The following NUP160 variants were observed in gnomAD, a reference collection of about 807,000 sequenced individuals.
NUP160 encodes nucleoporin 160, also known as nuclear pore complex protein Nup160.
A neutral mutation model predicts 196.9 loss-of-function variants in NUP160; 94 were observed. That is an observed-to-expected ratio of 0.48 (90% CI 0.40 to 0.57). NUP160 has a LOEUF of 0.57. Among genes scored for constraint, NUP160 ranks in the 20% least tolerant of loss-of-function variants. The pLI, the probability that NUP160 is intolerant of heterozygous loss-of-function variation, is 0.00. For missense variants in NUP160, 1,638 were observed against 1,748.3 expected (o/e 0.94, Z 1.13); for synonymous variants, 605 against 619.7 (o/e 0.98, Z 0.35).
At chr11:47,847,932 A>C (rs1308622318) in exon 2 of NUP160, 1 of 1,613,924 alleles carries the variant, frequency 6.2e-7, no homozygotes, top group Non-Finnish European at 8.5e-7. Context: ...ACTGTATTTT[A>C]CGGCGCCAGC....
exon 23 of NUP160, chr11:47,801,925 C>A (rs753088621): frequency 1.2e-6 from 2 of 1,613,730 alleles, no homozygotes; most frequent in Non-Finnish European, 1.7e-6. Flanking sequence ...AAAAACATTC[C>A]AGAGCCTGGA....
chr11:47,820,333 T>C (rs1044872179), intron 9 of NUP160: 1 of 152,186 alleles, frequency 6.6e-6, no homozygotes, highest in East Asian at 1.9e-4. Context: ...TACCTAAGGC[T>C]TGCAAACTAA....
intron 17 of NUP160, 112 bp downstream of exon 17, chr11:47,811,952 G>A: frequency 1.1e-6 from 1 of 892,528 alleles, no homozygotes. Context: ...GAATAAAGCA[G>A]TGAACCAAGA....
At chr11:47,819,518 C>T in intron 9 of NUP160, 60 bp from the exon 10 acceptor site, 2 of 1,220,154 alleles carry the variant, frequency 1.6e-6, no homozygotes, top group South Asian at 1.2e-5. Context: ...GAAATGTATG[C>T]TGTTGGCAGT....
exon 20 of NUP160, chr11:47,806,246 T>C (rs778448540): frequency 6.2e-7 from 1 of 1,613,244 alleles, no homozygotes. Flanking sequence ...AGAGAAGAGG[T>C]GAGATATAAT....
intron 1 of NUP160, 93 bp downstream of exon 1, chr11:47,848,126 A>C (rs1599355229): frequency 6.9e-7 from 1 of 1,446,682 alleles, no homozygotes; most frequent in South Asian, 1.1e-5. Flanking sequence ...ATGTGGACTC[A>C]GGAGGATGAA....
At position 47,798,425 on chromosome 11, in the gene NUP160, C is replaced by T. The variant is rs755355744; in HGVS notation, c.2934G>A (p.Leu978=). ...TGGCTGATGTAGCCAACTGAATAAC[C>T]AGTTCAGGCAAACCAATGACATCTA... The change falls in exon 24 of 36, where the codon CTG becomes CTA. Residue 978 remains leucine (L), a synonymous_variant. Transcript: ENST00000378460. 5 of 1,610,198 alleles carry T rather than the reference C, an allele frequency of 3.1e-6. No homozygotes were observed. The South Asian group carries it at 4.4e-5, about 14-fold the overall frequency.
chr11:47,845,669 G>T (rs979376551), intron 2 of NUP160, among the ~76,000 whole-genome samples: 1 of 152,062 alleles, frequency 6.6e-6, no homozygotes, highest in African/African-American at 2.4e-5. Flanking sequence ...CCCTAAAAAC[G>T]GACTGAAATA....
chr11:47,810,672 G>A (rs2097680569), intron 17 of NUP160, among the ~76,000 whole-genome samples: 1 of 151,272 alleles, frequency 6.6e-6, no homozygotes, highest in Admixed American at 6.6e-5. Flanking sequence ...TTAGCCTCCT[G>A]AATGGCTGGG....
At chr11:47,798,117 G>C in intron 25 of NUP160, 43 bp from the exon 26 acceptor site, 1 of 1,540,764 alleles carries the variant, frequency 6.5e-7, no homozygotes, top group Non-Finnish European at 8.9e-7. Flanking sequence ...TATCTTAGTA[G>C]GTTAAACAGA....
chr11:47,833,647 T>C lies in NUP160; in HGVS notation c.1101+2004A>G, dbSNP rs139174383. ...TGATCACCAATGATAATATCATCAA[T>C]GATAATAGTTGTGCAGAAAGGGTTA... On this transcript the variant is annotated intron_variant, in intron 7 of 35. Coordinates refer to ENST00000378460, the Ensembl canonical transcript of NUP160. Among the ~76,000 whole-genome samples the C allele has an allele frequency of 3.1e-4, 47 of 152,258 alleles. 1 individual carries two copies. The highest frequency in any genetic ancestry group is 1.1e-3 in the African/African-American group (45 of 41,538).
At chr11:47,793,722 GTT>G (rs750497969) in intron 27 of NUP160, among the ~76,000 whole-genome samples, 191 of 87,204 alleles carry the variant, frequency 2.2e-3, no homozygotes, top group Non-Finnish European at 2.5e-3. Context: ...TAAGATATCT[GTT>G]TTTTTTTTTT....
chr11:47,782,936 G>C, intron 34 of NUP160, 137 bp downstream of exon 34: 3 of 755,786 alleles, frequency 4.0e-6, no homozygotes, highest in Non-Finnish European at 6.4e-6. Context: ...TGGGATTATA[G>C]GCATGAGTCA....
intron 11 of NUP160, 80 bp downstream of exon 11, chr11:47,817,976 A>G: frequency 1.3e-6 from 1 of 759,174 alleles, no homozygotes; most frequent in Non-Finnish European, 2.2e-6. Context: ...TGTTTAATAT[A>G]TGCAAAAACT....
chr11:47,809,825 A>G (rs1231852941), intron 17 of NUP160, among the ~76,000 whole-genome samples: 2 of 151,838 alleles, frequency 1.3e-5, no homozygotes, highest in Non-Finnish European at 2.9e-5. Context: ...GAGATTTATA[A>G]AGTGGAAGAA....
intron 10 of NUP160, among the ~76,000 whole-genome samples, chr11:47,818,687 T>C (rs187553302): frequency 2.0e-5 from 3 of 152,292 alleles, no homozygotes; most frequent in Admixed American, 6.5e-5. Flanking sequence ...GTAGTAAATC[T>C]GACTAACAGT....
Position 47,786,441 on chromosome 11 carries a change from C to T in NUP160, c.3848+12G>A, listed in dbSNP as rs1444362864. 3.8e-6 allele frequency: 6 copies of T among 1,582,202 alleles called. No individual in the cohort carries two copies. The highest frequency in any genetic ancestry group is 5.2e-6 in the Non-Finnish European group (6 of 1,151,442). Reference sequence around the variant, plus strand: ...AGGCAAAACTACCCAGGGTTGAACACCAGGGTTGTACCTAGACTCCTTAGT... The same window carrying T: ...AGGCAAAACTACCCAGGGTTGAACATCAGGGTTGTACCTAGACTCCTTAGT... On this transcript the variant is annotated intron_variant, in intron 32 of 35. Coordinates refer to ENST00000378460, the Ensembl canonical transcript of NUP160.
rs929437614 is a variant in NUP160 at position 47,806,996 on chromosome 11, G to C, written c.2446+74C>G. ...AGCCAACCTTTCTATGGCAAAGGTGGCAAAAGACCACTTTAATGAATATGC... is the reference window on the plus strand; with the variant it reads ...AGCCAACCTTTCTATGGCAAAGGTGCCAAAAGACCACTTTAATGAATATGC... On this transcript the variant is annotated intron_variant, in intron 19 of 35. Coordinates refer to ENST00000378460, the Ensembl canonical transcript of NUP160. 2.5e-5 allele frequency: 27 copies of C among 1,089,296 alleles called. No individual in the cohort carries two copies. The Admixed American group carries it at 5.1e-4, about 21-fold the overall frequency. The allele number at this position is 1,089,296 out of a possible 1,614,324, so 67.5% of individuals were successfully genotyped here. A position where few individuals can be genotyped will look rare whatever the true frequency, so the allele number is the denominator to read the frequency against.
intron 32 of NUP160, among the ~76,000 whole-genome samples, chr11:47,785,730 G>A (rs1482345251): frequency 6.6e-6 from 1 of 152,212 alleles, no homozygotes; most frequent in Non-Finnish European, 1.5e-5. Context: ...GAATCATGCA[G>A]AAGTTCTAAC....
Sources: gnomAD v4.1 joint callset for allele counts (sites outside exome capture counted in the v4.1 genomes callset) on GRCh38, gnomAD v4.1.1 for gene constraint, MANE v1.5 for transcripts, NCBI Gene and HGNC (gene_info 2026-07-23, HGNC 2026-07-21) for gene names.